EXOC1: variants seen among roughly 807,000 people sequenced by gnomAD.
EXOC1 encodes exocyst complex component 1, also known as SEC3-like 1.
A neutral mutation model predicts 107.7 loss-of-function variants in EXOC1; 67 were observed. That is an observed-to-expected ratio of 0.62 (90% CI 0.51 to 0.76). The LOEUF (loss-of-function observed/expected upper bound fraction) is 0.76, where lower values mean the gene tolerates loss of function less well. EXOC1 is among the 30% of genes least tolerant of loss of function. EXOC1 has a pLI of 0.00. For synonymous variants in EXOC1, 348 were observed against 353.5 expected (o/e 0.98, Z 0.17); for missense variants, 833 against 1,055.7 (o/e 0.79, Z 2.92).
At chr4:55,858,662 C>T (rs1343571054) in intron 2 of EXOC1, among the ~76,000 whole-genome samples, 1 of 152,102 alleles carries the variant, frequency 6.6e-6, no homozygotes, top group Non-Finnish European at 1.5e-5. Flanking sequence ...TTATATTTCC[C>T]TATAATGATG....
At chr4:55,880,259 C>T (rs1240221429) in intron 9 of EXOC1, among the ~76,000 whole-genome samples, 1 of 151,502 alleles carries the variant, frequency 6.6e-6, no homozygotes, top group African/African-American at 2.4e-5. Context: ...GGGATATAAA[C>T]CTTAGTAAAA....
chr4:55,864,815 T>C (rs1456109924), intron 4 of EXOC1, among the ~76,000 whole-genome samples: 3 of 152,242 alleles, frequency 2.0e-5, no homozygotes, highest in Admixed American at 6.5e-5. Flanking sequence ...ACTAATCATT[T>C]ATTTTTTAAT....
chr4:55,858,527 C>T (rs1041380914), intron 2 of EXOC1, 80 bp downstream of exon 2: 2 of 1,405,808 alleles, frequency 1.4e-6, no homozygotes, highest in Admixed American at 2.7e-5. Context: ...TTTGAATATC[C>T]TCATTGTCTC....
At chr4:55,891,701 C>T (rs1724566428) in intron 13 of EXOC1, among the ~76,000 whole-genome samples, 1 of 152,102 alleles carries the variant, frequency 6.6e-6, no homozygotes, top group Non-Finnish European at 1.5e-5. Flanking sequence ...TCTGAGTTTA[C>T]TTTGCAAAGA....
intron 7 of EXOC1, among the ~76,000 whole-genome samples, 180 bp from the exon 8 acceptor site, chr4:55,871,669 C>T (rs1722453770): frequency 1.3e-5 from 2 of 152,158 alleles, no homozygotes; most frequent in African/African-American, 4.8e-5. Context: ...TGAGGCAAGA[C>T]CACACTTTGA....
intron 12 of EXOC1, 111 bp downstream of exon 12, chr4:55,890,497 AT>A: frequency 2.8e-6 from 2 of 713,892 alleles, no homozygotes; most frequent in Non-Finnish European, 2.2e-6. Context: ...TCTCTTAAGC[AT>A]TAACCATGTC....
intron 8 of EXOC1, among the ~76,000 whole-genome samples, chr4:55,874,086 A>C (rs1225019382): frequency 6.6e-6 from 1 of 152,162 alleles, no homozygotes; most frequent in African/African-American, 2.4e-5. Flanking sequence ...TTTAATCAAA[A>C]GTGAGTTTAT....
In EXOC1 at chr4:55,858,357, A is replaced by G; in HGVS notation, c.34A>G (p.Ile12Val). ...AATCAAGCATGCATTACAAAGAGAC[A>G]TTTTTACACCAAATGATGAACGCCT... ...TAIKHALQRDIFTPNDERLLS... is the reference protein window; with the variant it reads ...TAIKHALQRDVFTPNDERLLS... The change falls in exon 2 of 19, where the codon ATT becomes GTT. Residue 12 changes from isoleucine to valine, a missense_variant. This residue lies in a region of EXOC1 where 617 missense variants were observed against 701.3 expected (regional missense o/e 0.88). Transcript: ENST00000381295. The G allele has an allele frequency of 4.3e-6, 7 of 1,609,868 alleles. No homozygotes were observed. Among genetic ancestry groups the G allele is most frequent in the Non-Finnish European group, 5.9e-6 (7 of 1,178,232 alleles).
chr4:55,857,168 CTTTTTTTTTTTTTTTT>C lies in EXOC1; in HGVS notation c.-10-1134_-10-1119del, dbSNP rs71192052. 6.4e-4 allele frequency among the ~76,000 whole-genome samples: 42 copies of C among 65,772 alleles called. 1 individual carries two copies. The highest frequency in any genetic ancestry group is 2.3e-3 in the African/African-American group (36 of 15,708). The allele number at this position is 65,772 out of a possible 152,430, so 43.1% of individuals were successfully genotyped here. On this transcript the variant is annotated intron_variant, in intron 1 of 18. Transcript: ENST00000381295. ...TTTCATTACTTCATTTCCTTTTTTT[CTTTTTTTTTTTTTTTT>C]TTTTTTTTTTTGGAGACAGAGTCTG... is the stretch of plus-strand genomic sequence containing the variant.
chr4:55,891,587 C>A (rs959106520), intron 13 of EXOC1, among the ~76,000 whole-genome samples, 165 bp downstream of exon 13: 4 of 151,908 alleles, frequency 2.6e-5, no homozygotes. Context: ...TTTTGTAATA[C>A]CACAAGATGA....
At chr4:55,893,411 C>A in intron 14 of EXOC1, 141 bp from the exon 15 acceptor site, 1 of 780,150 alleles carries the variant, frequency 1.3e-6, no homozygotes, top group Non-Finnish European at 2.0e-6. Context: ...TGAGCCACCA[C>A]GCCTGGCTAT....
In EXOC1 at chr4:55,873,562, T is replaced by C. The variant is rs1034011494; in HGVS notation, c.1074+1604T>C. ...AACTGTTTGTTGTAACATGCAGTTATTTATGATTTTGCTTCTTGCCTTGTA... is the reference window on the plus strand; with the variant it reads ...AACTGTTTGTTGTAACATGCAGTTACTTATGATTTTGCTTCTTGCCTTGTA... On this transcript the variant is annotated intron_variant, in intron 8 of 18. Coordinates refer to ENST00000381295, the MANE Select transcript of EXOC1 (RefSeq NM_001024924.2). Among the ~76,000 whole-genome samples, 6 of 152,162 alleles carry C rather than the reference T, an allele frequency of 3.9e-5. No homozygotes were observed. In the East Asian group the frequency reaches 9.6e-4, roughly 24 times the overall value.
intron 9 of EXOC1, among the ~76,000 whole-genome samples, chr4:55,880,897 A>G (rs1479219925): frequency 6.6e-6 from 1 of 152,130 alleles, no homozygotes; most frequent in East Asian, 1.9e-4. Flanking sequence ...CTCATCATCT[A>G]ATTTGGTTGC....
At chr4:55,873,012 TTTTC>T (rs1455607768) in intron 8 of EXOC1, among the ~76,000 whole-genome samples, 1 of 152,112 alleles carries the variant, frequency 6.6e-6, no homozygotes, top group African/African-American at 2.4e-5. Flanking sequence ...TTCTGCTTGC[TTTTC>T]TTTCTGTCAT....
rs1726396614 is a variant in EXOC1 at position 55,904,504 on chromosome 4, AAAG to A, written c.*15_*17del. ...TTGCACAGTCCCACTAAACCTTGTG[AAAG>A]AAGAAAAGATAACTGAATGAAGCAT... is the stretch of plus-strand genomic sequence containing the variant. On this transcript the variant is annotated 3_prime_UTR_variant, in exon 19 of 19. Coordinates refer to ENST00000381295, the MANE Select transcript of EXOC1 (RefSeq NM_001024924.2). The A allele has an allele frequency of 6.3e-7, 1 of 1,599,440 alleles. No individual in the cohort carries two copies. Among genetic ancestry groups the A allele is most frequent in the Admixed American group, 1.7e-5 (1 of 57,894 alleles).
At chr4:55,876,895 T>C in intron 8 of EXOC1, 1 of 985,374 alleles carries the variant, frequency 1.0e-6, no homozygotes, top group Non-Finnish European at 1.2e-6. Flanking sequence ...AAAACATTTA[T>C]GAAGAAGGGA....
At chr4:55,877,591 A>T (rs1473280138) in intron 8 of EXOC1, 1 of 985,280 alleles carries the variant, frequency 1.0e-6, no homozygotes, top group African/African-American at 1.7e-5. Flanking sequence ...TTTGCTTGGT[A>T]AATTGTGAAA....
At chr4:55,891,678 G>T (rs745588350) in intron 13 of EXOC1, among the ~76,000 whole-genome samples, 5 of 152,086 alleles carry the variant, frequency 3.3e-5, no homozygotes, top group South Asian at 2.1e-4. Context: ...CTAAATTAGT[G>T]GGGGGAGGAA....
intron 17 of EXOC1, among the ~76,000 whole-genome samples, chr4:55,901,076 A>G (rs185023314): frequency 1.8e-4 from 28 of 152,314 alleles, no homozygotes; most frequent in Non-Finnish European, 3.2e-4. Context: ...TTCCCTCTGA[A>G]ATCAATTTAA....
Sources: gnomAD v4.1 joint callset for allele counts (sites outside exome capture counted in the v4.1 genomes callset) on GRCh38, gnomAD v4.1.1 for gene constraint, gnomAD v4.1.1 regional missense constraint, MANE v1.5 for transcripts, NCBI Gene and HGNC (gene_info 2026-07-23, HGNC 2026-07-21) for gene names.